SUMF1: variants seen among roughly 807,000 people sequenced by gnomAD.
SUMF1 encodes the protein formylglycine-generating enzyme.
In SUMF1, 48 loss-of-function variants were observed where a neutral mutation model predicts 47.6. The observed-to-expected ratio is 1.01, with a 90% CI of 0.80 to 1.28. The LOEUF (loss-of-function observed/expected upper bound fraction) is 1.28. Ranked by LOEUF, SUMF1 falls within the 50% of genes most tolerant of loss-of-function variation. SUMF1 has a pLI of 0.00. For missense variants in SUMF1, 571 were observed against 485.4 expected (o/e 1.18, Z -1.66); for synonymous variants, 230 against 192.1 (o/e 1.20, Z -1.63).
intron 8 of SUMF1, among the ~76,000 whole-genome samples, chr3:4,325,848 A>T (rs760748231): frequency 6.6e-6 from 1 of 152,196 alleles, no homozygotes; most frequent in Non-Finnish European, 1.5e-5. Context: ...CTGAAAAAAA[A>T]ATGAATAAAG....
chr3:4,394,884 A>G (rs1380634726), intron 7 of SUMF1, among the ~76,000 whole-genome samples: 1 of 152,210 alleles, frequency 6.6e-6, no homozygotes, highest in African/African-American at 2.4e-5. Flanking sequence ...CATCAGAGAC[A>G]CAGCCTCTGC....
At chr3:4,393,496 C>T (rs1367340842) in intron 7 of SUMF1, among the ~76,000 whole-genome samples, 2 of 152,038 alleles carry the variant, frequency 1.3e-5, no homozygotes, top group Admixed American at 1.3e-4. Context: ...CCACACTCGC[C>T]TAATATTTTA....
intron 3 of SUMF1, among the ~76,000 whole-genome samples, chr3:4,424,857 T>G (rs1424978080): frequency 6.6e-6 from 1 of 152,240 alleles, no homozygotes; most frequent in African/African-American, 2.4e-5. Context: ...TAGACATTTT[T>G]AGAATGAGTG....
intron 8 of SUMF1, among the ~76,000 whole-genome samples, chr3:4,314,796 T>G (rs1447360220): frequency 6.6e-6 from 1 of 152,214 alleles, no homozygotes; most frequent in East Asian, 1.9e-4. Flanking sequence ...TGGAGGTTTA[T>G]CAGACATTTT....
intron 8 of SUMF1, among the ~76,000 whole-genome samples, chr3:4,308,110 A>T (rs919373877): frequency 5.3e-5 from 8 of 152,210 alleles, no homozygotes; most frequent in Non-Finnish European, 1.0e-4. Context: ...GCAGACAGTA[A>T]GGTAATACTT....
chr3:4,373,608 C>G (rs1338626697), intron 8 of SUMF1, among the ~76,000 whole-genome samples: 2 of 152,042 alleles, frequency 1.3e-5, no homozygotes, highest in Admixed American at 1.3e-4. Flanking sequence ...AATGCATTCA[C>G]CAAGGAATCC....
At chr3:4,413,543 C>T (rs1014835430) in intron 6 of SUMF1, among the ~76,000 whole-genome samples, 16 of 152,106 alleles carry the variant, frequency 1.1e-4, no homozygotes, top group African/African-American at 3.9e-4. Flanking sequence ...GCTATTAAAC[C>T]AATCTACTAA....
chr3:4,406,732 T>C (rs963039226), intron 7 of SUMF1, among the ~76,000 whole-genome samples: 4 of 152,122 alleles, frequency 2.6e-5, no homozygotes, highest in South Asian at 2.1e-4. Flanking sequence ...TAAATGCAAT[T>C]GTGTCCCTCA....
At chr3:4,151,276 A>T (rs1694316080) in intron 8 of SUMF1, among the ~76,000 whole-genome samples, 1 of 149,588 alleles carries the variant, frequency 6.7e-6, no homozygotes, top group Admixed American at 6.7e-5. Flanking sequence ...ATAGATATTT[A>T]TACATGTAAA....
downstream of SUMF1, among the ~76,000 whole-genome samples, chr3:4,359,304 G>T (rs1186053433): frequency 6.6e-6 from 1 of 152,138 alleles, no homozygotes; most frequent in Non-Finnish European, 1.5e-5. Flanking sequence ...TAGAGACAGG[G>T]TCTTGCTCTG....
intron 8 of SUMF1, among the ~76,000 whole-genome samples, chr3:4,081,514 A>T (rs760004856): frequency 6.6e-6 from 1 of 152,128 alleles, no homozygotes; most frequent in African/African-American, 2.4e-5. Context: ...GCTGATTGTC[A>T]GTTATTTAGG....
chr3:4,111,744 A>C (rs1432911671), intron 8 of SUMF1, among the ~76,000 whole-genome samples: 2 of 152,050 alleles, frequency 1.3e-5, no homozygotes, highest in Non-Finnish European at 2.9e-5. Context: ...TCTAAAAAAA[A>C]CCCAAAAAAA....
intron 7 of SUMF1, among the ~76,000 whole-genome samples, chr3:4,378,696 T>G (rs2124860446): frequency 6.6e-6 from 1 of 152,332 alleles, no homozygotes; most frequent in African/African-American, 2.4e-5. Flanking sequence ...ATGAAAGCAT[T>G]TATAATTGTG....
intron 8 of SUMF1, among the ~76,000 whole-genome samples, chr3:4,162,353 G>A (rs1694599176): frequency 1.3e-5 from 2 of 152,246 alleles, no homozygotes; most frequent in South Asian, 4.1e-4. Context: ...AGATCCACTG[G>A]CTCTGAGCCC....
At chr3:4,040,238 G>A (rs1694884897) in intron 9 of SUMF1, among the ~76,000 whole-genome samples, 2 of 152,050 alleles carry the variant, frequency 1.3e-5, no homozygotes, top group South Asian at 4.1e-4. Flanking sequence ...TAAAGCTTGG[G>A]AAAATAAATA....
intron 8 of SUMF1, among the ~76,000 whole-genome samples, chr3:4,347,212 C>T (rs990369931): frequency 1.3e-5 from 2 of 152,114 alleles, no homozygotes; most frequent in Non-Finnish European, 2.9e-5. Context: ...ATACCAAAAC[C>T]GGGAAGAGAC....
chr3:4,298,379 TA>T (rs1438558250), intron 8 of SUMF1, among the ~76,000 whole-genome samples: 3 of 152,188 alleles, frequency 2.0e-5, no homozygotes, highest in Non-Finnish European at 4.4e-5. Context: ...TTTAATCTCA[TA>T]CTCTATAAAA....
At chr3:4,211,735 G>A (rs1695800013) in intron 8 of SUMF1, among the ~76,000 whole-genome samples, 1 of 152,066 alleles carries the variant, frequency 6.6e-6, no homozygotes, top group Non-Finnish European at 1.5e-5. Flanking sequence ...CACCAGATTG[G>A]CTAAAATTAT....
chr3:4,263,961 T>C (rs1296948790), intron 8 of SUMF1, among the ~76,000 whole-genome samples: 1 of 152,162 alleles, frequency 6.6e-6, no homozygotes, highest in Non-Finnish European at 1.5e-5. Context: ...CTCTATAAAC[T>C]AGACAGGAAA....
Sources: allele counts gnomAD v4.1 joint callset (sites outside exome capture counted in the v4.1 genomes callset), GRCh38; gene constraint gnomAD v4.1.1; transcripts MANE v1.5; gene names NCBI Gene and HGNC (gene_info 2026-07-23, HGNC 2026-07-21).